The following CNTN6 variants were observed in gnomAD, a reference collection of about 807,000 sequenced individuals.
CNTN6 encodes contactin 6, also known as contactin-6.
Under a neutral mutation model 122.8 loss-of-function variants are expected in CNTN6, and 137 were observed. That is an observed-to-expected ratio of 1.12 (90% confidence interval 0.97 to 1.29). CNTN6 has a LOEUF of 1.29. Among genes scored for constraint, CNTN6 ranks in the 50% most tolerant of loss-of-function variants. The pLI, the probability that CNTN6 is intolerant of heterozygous loss-of-function variation, is 0.00. For synonymous variants in CNTN6, 570 were observed against 426.0 expected (o/e 1.34, Z -4.16); for missense variants, 1,634 against 1,223.4 (o/e 1.34, Z -5.01).
chr3:1,400,515 G>A (rs1275672586), intron 20 of CNTN6, among the ~76,000 whole-genome samples: 5 of 152,054 alleles, frequency 3.3e-5, no homozygotes, highest in Admixed American at 6.6e-5. Context: ...ACTAAAAGTC[G>A]CAGTTTGGAT....
intron 4 of CNTN6, among the ~76,000 whole-genome samples, chr3:1,272,385 G>A (rs1042575924): frequency 6.6e-6 from 1 of 152,186 alleles, no homozygotes; most frequent in African/African-American, 2.4e-5. Flanking sequence ...AGGTGATTGT[G>A]AGGATTACAG....
chr3:1,396,967 G>A (rs1355126917), intron 20 of CNTN6, among the ~76,000 whole-genome samples: 1 of 152,128 alleles, frequency 6.6e-6, no homozygotes, highest in African/African-American at 2.4e-5. Context: ...TCTTCCATTG[G>A]AAAGTCTGAA....
chr3:1,127,224 A>AATTATT (rs2125084702), intron 1 of CNTN6, among the ~76,000 whole-genome samples: 1 of 151,932 alleles, frequency 6.6e-6, no homozygotes, highest in South Asian at 2.1e-4. Context: ...ACATTCTAGC[A>AATTATT]CAGTTTAATA....
rs115046064 is a variant in CNTN6, at chr3:1,125,881, A to G, written c.-82-22046A>G. On this transcript the variant is annotated intron_variant, in intron 1 of 22. Coordinates refer to ENST00000446702, the MANE Select transcript of CNTN6 (RefSeq NM_001289080.2). ...AGACAAAAGCCAACTCCATGTTATG[A>G]TGGTGAACTAGATAATGTTCTGCTT... is the stretch of plus-strand genomic sequence containing the variant. Among the ~76,000 whole-genome samples, 1,135 of 152,012 alleles carry G rather than the reference A, an allele frequency of 7.5e-3. 16 individuals are homozygous for G. The highest frequency in any genetic ancestry group is 0.026 in the African/African-American group (1,096 of 41,514).
intron 11 of CNTN6, among the ~76,000 whole-genome samples, chr3:1,346,705 T>C (rs1423785385): frequency 6.6e-6 from 1 of 152,140 alleles, no homozygotes; most frequent in African/African-American, 2.4e-5. Flanking sequence ...GGGAGTCTGA[T>C]AGAGCAACAC....
chr3:1,271,727 C>A (rs2095030897), intron 4 of CNTN6, among the ~76,000 whole-genome samples: 2 of 152,120 alleles, frequency 1.3e-5, no homozygotes, highest in South Asian at 4.1e-4. Context: ...AGAGAAAGCA[C>A]CTTTACCCCT....
chr3:1,323,803 C>A lies in CNTN6; in HGVS notation c.946+1969C>A, dbSNP rs2173510. On this transcript the variant is annotated intron_variant, in intron 8 of 22. Transcript: ENST00000446702. ...ATGGTAGACCCAAAATCCTAAGCCT[C>A]TTCTCCCATGAATTTCCTACCTAGT... Among the ~76,000 whole-genome samples the A allele has an allele frequency of 4.6e-5, 7 of 151,856 alleles. No homozygotes were observed. The East Asian group carries it at 1.4e-3, about 30-fold the overall frequency.
chr3:1,202,340 A>G (rs1166808762), intron 2 of CNTN6, among the ~76,000 whole-genome samples: 1 of 151,998 alleles, frequency 6.6e-6, no homozygotes, highest in African/African-American at 2.4e-5. Context: ...GGATATCAAG[A>G]CCATCCTGGC....
intron 4 of CNTN6, among the ~76,000 whole-genome samples, chr3:1,238,537 A>C (rs2094447624): frequency 6.6e-6 from 1 of 152,220 alleles, no homozygotes; most frequent in Non-Finnish European, 1.5e-5. Flanking sequence ...AGTCATCAAG[A>C]CAGAAAGTCA....
At chr3:1,202,701 C>A (rs931198085) in intron 2 of CNTN6, among the ~76,000 whole-genome samples, 9 of 152,208 alleles carry the variant, frequency 5.9e-5, no homozygotes, top group South Asian at 2.1e-4. Flanking sequence ...ACCAGCTGAA[C>A]CTTGAAGGAA....
At chr3:1,207,844 TCACTG>T (rs769719215) in intron 2 of CNTN6, among the ~76,000 whole-genome samples, 64 of 152,214 alleles carry the variant, frequency 4.2e-4, no homozygotes, top group African/African-American at 1.1e-3. Flanking sequence ...TCTTTCATTC[TCACTG>T]CTCCTCATCT....
At chr3:1,117,059 T>G (rs1443982103) in intron 1 of CNTN6, among the ~76,000 whole-genome samples, 1 of 152,070 alleles carries the variant, frequency 6.6e-6, no homozygotes, top group African/African-American at 2.4e-5. Flanking sequence ...ATAGACATTA[T>G]TTAGAGATAT....
intron 12 of CNTN6, among the ~76,000 whole-genome samples, chr3:1,357,657 C>A (rs915850543): frequency 6.6e-6 from 1 of 151,840 alleles, no homozygotes; most frequent in Non-Finnish European, 1.5e-5. Context: ...ATGCATGAGA[C>A]AATTTTACAT....
At chr3:1,342,192 C>T (rs1263063847) in intron 11 of CNTN6, among the ~76,000 whole-genome samples, 5 of 152,110 alleles carry the variant, frequency 3.3e-5, no homozygotes, top group Non-Finnish European at 7.4e-5. Context: ...TGTAGTGGCA[C>T]GATCTCGGCT....
At chr3:1,102,617 A>G (rs559867632) in intron 1 of CNTN6, among the ~76,000 whole-genome samples, 13 of 149,606 alleles carry the variant, frequency 8.7e-5, no homozygotes, top group Middle Eastern at 3.5e-3. Flanking sequence ...AGTCCCAGCT[A>G]CTCGGGAGGC....
chr3:1,248,719 C>G (rs9860617), intron 4 of CNTN6, among the ~76,000 whole-genome samples: 23,507 of 152,018 alleles, frequency 0.15, 1,905 homozygotes, highest in African/African-American at 0.16. Context: ...ACTTGGGAGG[C>G]TGATGCAGGA....
At position 1,128,307 on chromosome 3, in the gene CNTN6, C is replaced by T. The variant is rs532161025; in HGVS notation, c.-82-19620C>T. 4 of 152,020 alleles carry T rather than the reference C, an allele frequency of 2.6e-5. No homozygotes were observed. In the South Asian group the frequency reaches 8.3e-4, roughly 32 times the overall value. The allele number at this position is 152,020 out of a possible 1,614,324, so 9.4% of individuals were successfully genotyped here. On this transcript the variant is annotated intron_variant, in intron 1 of 22. Transcript: ENST00000446702. ...GCCTTAATTCTCACATCTGATGATACCCTGAGGATGACATGTGAGGCCAAG... is the reference window on the plus strand; with the variant it reads ...GCCTTAATTCTCACATCTGATGATATCCTGAGGATGACATGTGAGGCCAAG...
At chr3:1,233,734 CAAAAAAAAAAAAA>C (rs1166507455) in intron 4 of CNTN6, among the ~76,000 whole-genome samples, 4 of 52,168 alleles carry the variant, frequency 7.7e-5, no homozygotes, top group Non-Finnish European at 1.0e-4. Flanking sequence ...GACTCTGTCT[CAAAAAAAAAAAAA>C]AAAAAAAAAA....
chr3:1,329,970 T>C, intron 11 of CNTN6, 35 bp downstream of exon 11: 1 of 1,474,372 alleles, frequency 6.8e-7, no homozygotes, highest in Middle Eastern at 1.9e-4. Context: ...ATATTTTTGT[T>C]TGTAATATAA....
Sources: gnomAD v4.1 joint callset for allele counts (sites outside exome capture counted in the v4.1 genomes callset) on GRCh38, gnomAD v4.1.1 for gene constraint, MANE v1.5 for transcripts, NCBI Gene and HGNC (gene_info 2026-07-23, HGNC 2026-07-21) for gene names.